ANKRD11: variants seen among roughly 807,000 people sequenced by gnomAD.
ANKRD11 encodes ankyrin repeat domain 11.
In ANKRD11, 17 loss-of-function variants were observed where a neutral mutation model predicts 195.7. The observed-to-expected ratio is 0.09, with a 90% CI of 0.06 to 0.13. The LOEUF is 0.13. Ranked by LOEUF, ANKRD11 falls within the 10% of genes least tolerant of loss-of-function variation. ANKRD11 has a pLI of 1.00. For synonymous variants in ANKRD11, 1,953 were observed against 1,528.1 expected (o/e 1.28, Z -6.49); for missense variants, 3,735 against 3,566.1 (o/e 1.05, Z -1.21).
chr16:89,441,160 T>A (rs995308888), intron 1 of ANKRD11, among the ~76,000 whole-genome samples: 1 of 150,022 alleles, frequency 6.7e-6, no homozygotes, highest in African/African-American at 2.5e-5. Context: ...GGCGTGAACC[T>A]GAGAGGCAGA....
At chr16:89,447,493 C>T (rs1386648852) in intron 1 of ANKRD11, among the ~76,000 whole-genome samples, 1 of 152,106 alleles carries the variant, frequency 6.6e-6, no homozygotes, top group Non-Finnish European at 1.5e-5. Context: ...TCCCGGCTGT[C>T]GTCCACAATC....
intron 3 of ANKRD11, chr16:89,313,185 G>A (rs111644457): frequency 1.1e-6 from 1 of 944,170 alleles, no homozygotes; most frequent in Non-Finnish European, 1.4e-6. Context: ...TGAAGCTCAG[G>A]GGGCTGTGAG....
At chr16:89,433,517 T>C (rs2043087128) in intron 1 of ANKRD11, among the ~76,000 whole-genome samples, 1 of 151,922 alleles carries the variant, frequency 6.6e-6, no homozygotes, top group African/African-American at 2.4e-5. Flanking sequence ...CCAGCAACAC[T>C]AAAAGGCCTC....
rs1253511927 is a variant in ANKRD11 at position 89,291,934 on chromosome 16, AGAGGCAG to A, written c.227-758_227-752del. On this transcript the variant is annotated intron_variant, in intron 4 of 12. Transcript: ENST00000301030. This position sits in a 1 kb window ranked among gnomAD's most constrained non-coding sequence, Gnocchi z 5.3. ...CAACTCACGTGCTGTGTCTTTTAAAAGAGGCAGGAGGCAGGGGCGGGGAAGAGAAGAC... is the reference window on the plus strand; with the variant it reads ...CAACTCACGTGCTGTGTCTTTTAAAAGAGGCAGGGGCGGGGAAGAGAAGAC... 4.5e-6 allele frequency: 2 copies of A among 441,880 alleles called. No homozygotes were observed. Among genetic ancestry groups the A allele is most frequent in the Non-Finnish European group, 8.5e-6 (2 of 234,466 alleles). The allele number at this position is 441,880 out of a possible 1,614,324, so 27.4% of individuals were successfully genotyped here. A position where few individuals can be genotyped will look rare whatever the true frequency, so the allele number is the denominator to read the frequency against.
chr16:89,419,446 C>T (rs995830497), intron 1 of ANKRD11, among the ~76,000 whole-genome samples: 3 of 147,186 alleles, frequency 2.0e-5, no homozygotes, highest in Non-Finnish European at 4.5e-5. Context: ...GAGCGAAACT[C>T]GTCTTAAAAA....
chr16:89,373,633 C>T (rs988288528), intron 2 of ANKRD11: 3 of 152,216 alleles, frequency 2.0e-5, no homozygotes, highest in Non-Finnish European at 4.4e-5. Flanking sequence ...CACATTCCCA[C>T]GAGCTGCTTT....
At position 89,282,194 on chromosome 16, in the gene ANKRD11, A is replaced by G; in HGVS notation, c.4348T>C (p.Ser1450Pro). ...TCTTTTAGGATGTTGATGGCACTAG[A>G]TCCATAAGGCTTTAGTTCCTTTTCT... ...KIEKELKPYGSSAINILKEKK... is the reference protein window; with the variant it reads ...KIEKELKPYGPSAINILKEKK... Residue 1450 changes from serine to proline, a missense_variant, in exon 9 of 13, where the codon TCT (serine) becomes CCT (proline). By Grantham distance (74) the Ser-to-Pro change is moderately conservative. Coordinates refer to ENST00000301030, the MANE Select transcript of ANKRD11 (RefSeq NM_013275.6). 1.2e-6 allele frequency: 2 copies of G among 1,613,648 alleles called. No individual in the cohort carries two copies. The highest frequency in any genetic ancestry group is 1.7e-6 in the Non-Finnish European group (2 of 1,179,934).
chr16:89,376,413 A>C (rs1029540153), intron 2 of ANKRD11, among the ~76,000 whole-genome samples: 1 of 152,190 alleles, frequency 6.6e-6, no homozygotes, highest in African/African-American at 2.4e-5. Context: ...ATCATCGAGG[A>C]AAAAGGACAT....
rs573577442 is a variant in ANKRD11 at position 89,325,061 on chromosome 16, G to C, written c.-59-7983C>G. Reference sequence around the variant, plus strand: ...CAATCTCTACTCATACTGAACACAAGTATGCCCTATAGCCCAGCAATGCCA... The same window carrying C: ...CAATCTCTACTCATACTGAACACAACTATGCCCTATAGCCCAGCAATGCCA... On this transcript the variant is annotated intron_variant, in intron 2 of 12. Coordinates refer to ENST00000301030, the MANE Select transcript of ANKRD11 (RefSeq NM_013275.6). 1.9e-5 allele frequency: 3 copies of C among 155,114 alleles called. No homozygotes were observed. In the East Asian group the frequency reaches 5.8e-4, roughly 30 times the overall value. The allele number at this position is 155,114 out of a possible 1,614,324, so 9.6% of individuals were successfully genotyped here.
chr16:89,469,480 C>T (rs55637757), intron 1 of ANKRD11, among the ~76,000 whole-genome samples: 15,093 of 152,058 alleles, frequency 0.099, 1,023 homozygotes, highest in Admixed American at 0.16. Flanking sequence ...ACCTTGGCCT[C>T]CCGAAGTGCT....
intron 2 of ANKRD11, among the ~76,000 whole-genome samples, chr16:89,341,320 T>C (rs1295826664): frequency 6.6e-6 from 1 of 152,166 alleles, no homozygotes; most frequent in African/African-American, 2.4e-5. Context: ...TTTAAATTAT[T>C]AATCAGGCAA....
intron 11 of ANKRD11, among the ~76,000 whole-genome samples, chr16:89,273,263 A>T (rs2151691760): frequency 6.6e-6 from 1 of 152,302 alleles, no homozygotes; most frequent in East Asian, 1.9e-4. Flanking sequence ...TGTTAGAGGC[A>T]CGAGCTGGTC....
rs759003189 is a variant in ANKRD11 at position 89,280,787 on chromosome 16, C to A, written c.5755G>T (p.Ala1919Ser). Residue 1919 changes from alanine to serine, a missense_variant, in exon 9 of 13, where the codon GCG (alanine) becomes TCG (serine). By Grantham distance (99) the Ala-to-Ser change is moderately conservative. Coordinates refer to ENST00000301030, the MANE Select transcript of ANKRD11 (RefSeq NM_013275.6). ...TCCGGGGGGATGATGGCGGCCGTCG[C>A]CTGCTGGTCCTCGGAGGTGTCCAGG... ...PDLDTSEDQQ[A>S]TAAIIPPEPS... 3.1e-6 allele frequency: 5 copies of A among 1,610,924 alleles called. No individual in the cohort carries two copies. The highest frequency in any genetic ancestry group is 4.2e-6 in the Non-Finnish European group (5 of 1,177,936).
chr16:89,485,722 GA>G (rs1409831852), intron 1 of ANKRD11, among the ~76,000 whole-genome samples: 3 of 152,002 alleles, frequency 2.0e-5, no homozygotes, highest in African/African-American at 7.2e-5. Flanking sequence ...TAAACATACA[GA>G]AAAAAATCAA....
intron 2 of ANKRD11, among the ~76,000 whole-genome samples, chr16:89,326,197 C>A (rs144070855): frequency 6.6e-6 from 1 of 152,122 alleles, no homozygotes; most frequent in Non-Finnish European, 1.5e-5. Flanking sequence ...AAGGCAGGGA[C>A]GGCAGATGGA....
chr16:89,270,969 T>C, intron 11 of ANKRD11, 60 bp from the exon 12 acceptor site: 1 of 1,546,240 alleles, frequency 6.5e-7, no homozygotes, highest in Non-Finnish European at 8.9e-7. Flanking sequence ...CGGGAAGGCA[T>C]GCCAGCCTGG....
At position 89,480,701 on chromosome 16, in the gene ANKRD11, C is replaced by T. The variant is rs1384839078; in HGVS notation, c.-145+9544G>A. Among the ~76,000 whole-genome samples the T allele has an allele frequency of 1.3e-5, 2 of 151,994 alleles. 1 individual carries two copies. Among genetic ancestry groups the T allele is most frequent in the African/African-American group, 4.8e-5 (2 of 41,378 alleles). On this transcript the variant is annotated intron_variant, in intron 1 of 12. Coordinates refer to ENST00000301030, the MANE Select transcript of ANKRD11 (RefSeq NM_013275.6). ...TCTCTAACCCCCTTCTGTTTGGACC[C>T]AAAACCACTATCTTGGCCCACATTT... is the stretch of plus-strand genomic sequence containing the variant.
chr16:89,464,934 G>A (rs2056832684), intron 1 of ANKRD11, among the ~76,000 whole-genome samples: 1 of 152,210 alleles, frequency 6.6e-6, no homozygotes. Context: ...AAACCACCTG[G>A]GGGTCAGGGG....
intron 1 of ANKRD11, among the ~76,000 whole-genome samples, chr16:89,437,598 G>T (rs1371077118): frequency 2.0e-5 from 3 of 152,122 alleles, no homozygotes; most frequent in Admixed American, 2.0e-4. Context: ...TCTCCCAAGA[G>T]CCCACTCACC....
Sources: gnomAD v4.1 joint callset for allele counts (sites outside exome capture counted in the v4.1 genomes callset) on GRCh38, gnomAD v4.1.1 for gene constraint, Gnocchi (gnomAD v3.1) non-coding constraint, MANE v1.5 for transcripts, NCBI Gene and HGNC (gene_info 2026-07-23, HGNC 2026-07-21) for gene names.